DPP6: variants seen among roughly 807,000 people sequenced by gnomAD.
DPP6 encodes the protein A-type potassium channel modulatory protein DPP6.
A neutral mutation model predicts 122.6 loss-of-function variants in DPP6; 69 were observed. The observed-to-expected ratio is 0.56, with a 90% CI of 0.46 to 0.69. The LOEUF (loss-of-function observed/expected upper bound fraction) is 0.69, where lower values mean the gene tolerates loss of function less well. DPP6 is among the 30% of genes least tolerant of loss of function. The probability of loss-of-function intolerance (pLI) is 0.00; values close to 1 mark genes in which losing one functional copy is unlikely to be tolerated. For synonymous variants in DPP6, 418 were observed against 433.1 expected (o/e 0.97, Z 0.43); for missense variants, 928 against 1,116.9 (o/e 0.83, Z 2.41).
chr7:154,060,631 C>T (rs1207744540), intron 1 of DPP6, among the ~76,000 whole-genome samples: 40 of 133,070 alleles, frequency 3.0e-4, no homozygotes, highest in South Asian at 5.1e-4. Flanking sequence ...GGACCCCCAT[C>T]GCAGGAGGGG....
At chr7:154,128,676 AC>A (rs1808126907) in intron 1 of DPP6, among the ~76,000 whole-genome samples, 2 of 148,954 alleles carry the variant, frequency 1.3e-5, no homozygotes, top group Non-Finnish European at 3.0e-5. Context: ...GGCGTGAGAC[AC>A]CGTGCCCAGC....
chr7:154,773,883 C>G (rs1796408354), intron 10 of DPP6, among the ~76,000 whole-genome samples: 1 of 152,174 alleles, frequency 6.6e-6, no homozygotes, highest in Admixed American at 6.5e-5. Flanking sequence ...GACTCTGGAC[C>G]TCTCTGAATG....
rs575938741 is a variant in DPP6, at chr7:154,317,163, A to G, written c.244-129051A>G. Among the ~76,000 whole-genome samples, 19 of 152,314 alleles carry G rather than the reference A, an allele frequency of 1.2e-4. No individual in the cohort carries two copies. The South Asian group carries it at 3.1e-3, about 25-fold the overall frequency. ...CAATGAAGTGGGTTTGCTGCACTGA[A>G]TAAAGTAGTTTACTTTTCCTTCACT... On this transcript the variant is annotated intron_variant, in intron 1 of 25. Transcript: ENST00000377770.
At chr7:153,906,214 A>G (rs1057301540) in intron 1 of DPP6, among the ~76,000 whole-genome samples, 1 of 152,100 alleles carries the variant, frequency 6.6e-6, no homozygotes, top group African/African-American at 2.4e-5. Flanking sequence ...GTTTATTCTT[A>G]TGGATTTAGG....
At chr7:154,179,908 A>G (rs1208685860) in intron 1 of DPP6, among the ~76,000 whole-genome samples, 1 of 152,180 alleles carries the variant, frequency 6.6e-6, no homozygotes, top group Non-Finnish European at 1.5e-5. Context: ...TTTTAATGCA[A>G]TTTAAGCTAA....
intron 5 of DPP6, among the ~76,000 whole-genome samples, chr7:154,575,172 G>A (rs1831482421): frequency 9.2e-6 from 1 of 108,988 alleles, no homozygotes; most frequent in South Asian, 3.4e-4. Context: ...GTATGTGTGT[G>A]GGGGGGTATA....
At chr7:154,327,584 TA>T (rs1047192333) in intron 1 of DPP6, among the ~76,000 whole-genome samples, 1 of 152,070 alleles carries the variant, frequency 6.6e-6, no homozygotes, top group Non-Finnish European at 1.5e-5. Flanking sequence ...AAAATGAAGG[TA>T]AAAAAATAAT....
chr7:153,848,244 C>T, the DPP6 span, among the ~76,000 whole-genome samples: 6 of 149,946 alleles, frequency 4.0e-5, no homozygotes, highest in Non-Finnish European at 7.4e-5. Flanking sequence ...GTCGCCCCCC[C>T]ACCAATCCCC....
the DPP6 span, among the ~76,000 whole-genome samples, chr7:153,855,906 T>C: frequency 8.9e-4 from 136 of 152,300 alleles, no homozygotes; most frequent in African/African-American, 3.2e-3. Context: ...AGTCTTACCT[T>C]TTAAGCTTTT....
chr7:154,809,183 G>C (rs1798880320), intron 16 of DPP6, among the ~76,000 whole-genome samples: 1 of 152,034 alleles, frequency 6.6e-6, no homozygotes, highest in African/African-American at 2.4e-5. Context: ...TATTACCTAT[G>C]CCACCAAGGG....
intron 6 of DPP6, among the ~76,000 whole-genome samples, chr7:154,640,522 CA>C (rs1367274486): frequency 9.2e-5 from 14 of 152,180 alleles, no homozygotes; most frequent in African/African-American, 3.4e-4. Flanking sequence ...GTCATAAGGC[CA>C]TTGATGAGAA....
chr7:154,538,484 TTA>T (rs1297652603), intron 3 of DPP6, among the ~76,000 whole-genome samples: 3 of 152,100 alleles, frequency 2.0e-5, no homozygotes, highest in Non-Finnish European at 4.4e-5. Context: ...TAAACAATCA[TTA>T]TGTTTCATGG....
At chr7:154,067,914 T>TTTG (rs1585305182) in intron 1 of DPP6, among the ~76,000 whole-genome samples, 5 of 141,094 alleles carry the variant, frequency 3.5e-5, no homozygotes, top group South Asian at 2.2e-4. Flanking sequence ...TTTGTTTTTT[T>TTTG]TTTGTTTGTT....
At chr7:154,576,424 T>C (rs1831676983) in intron 5 of DPP6, among the ~76,000 whole-genome samples, 1 of 152,128 alleles carries the variant, frequency 6.6e-6, no homozygotes, top group African/African-American at 2.4e-5. Context: ...TCATGGTGCC[T>C]TCTCCCCCTA....
At position 154,193,251 on chromosome 7, in the gene DPP6, C is replaced by T. The variant is rs147247380; in HGVS notation, c.243+140188C>T. Among the ~76,000 whole-genome samples, 529 of 152,280 alleles carry T rather than the reference C, an allele frequency of 3.5e-3. 2 individuals carry two copies. The highest frequency in any genetic ancestry group is 0.012 in the African/African-American group (484 of 41,562). On this transcript the variant is annotated intron_variant, in intron 1 of 25. Transcript: ENST00000377770. ...GATCTGTTAGTGAGCATTACCTGTG[C>T]GTGCAGACCTGTACAAGACATCTTG... is the stretch of plus-strand genomic sequence containing the variant.
intron 6 of DPP6, among the ~76,000 whole-genome samples, chr7:154,662,680 CGTATTGGG>C (rs1837816202): frequency 8.4e-6 from 1 of 119,504 alleles, no homozygotes; most frequent in South Asian, 3.3e-4. Context: ...ATCACCATGG[CGTATTGGG>C]CGTAGTGTTC....
chr7:154,315,983 TG>T (rs1302745556), intron 1 of DPP6, among the ~76,000 whole-genome samples: 1 of 152,214 alleles, frequency 6.6e-6, no homozygotes, highest in Non-Finnish European at 1.5e-5. Context: ...GTGACCCACT[TG>T]CTTGTGTGCT....
chr7:153,926,014 C>T (rs1268459064), intron 1 of DPP6, among the ~76,000 whole-genome samples: 4 of 152,160 alleles, frequency 2.6e-5, no homozygotes, highest in African/African-American at 9.7e-5. Flanking sequence ...CTCAGGGACA[C>T]TCCTCACACC....
At position 154,889,456 on chromosome 7, in the gene DPP6, G is replaced by GA; in HGVS notation, c.2383dup (p.Ile795AsnfsTer15). 6.8e-7 allele frequency: 1 copy of GA among 1,478,212 alleles called. No homozygotes were observed. The highest frequency in any genetic ancestry group is 8.9e-7 in the Non-Finnish European group (1 of 1,127,536). 91.6% of individuals were successfully genotyped at this position (1,478,212 alleles called of 1,614,324 possible). A position where few individuals can be genotyped will look rare whatever the true frequency, so the allele number is the denominator to read the frequency against. ...TCTTTTTTTTTTTTTTTTTTGCACAGAAAAAATTCATTTCCAGCACACAGC... is the reference window on the plus strand; with the variant it reads ...TCTTTTTTTTTTTTTTTTTTGCACAGAAAAAAATTCATTTCCAGCACACAGC... On this transcript the variant is annotated frameshift_variant and splice_region_variant. Transcript: ENST00000377770. LOFTEE classifies it high-confidence loss of function.
Sources: allele counts gnomAD v4.1 joint callset (sites outside exome capture counted in the v4.1 genomes callset), GRCh38; gene constraint gnomAD v4.1.1; transcripts MANE v1.5; gene names NCBI Gene and HGNC (gene_info 2026-07-23, HGNC 2026-07-21).